Variants in MRTFB observed in about 807,000 individuals in gnomAD.
MRTFB encodes the protein myocardin related transcription factor B.
MRTFB carries 29 observed loss-of-function variants against 104.2 expected under a neutral mutation model. That is an observed-to-expected ratio of 0.28 (90% CI 0.21 to 0.38). MRTFB has a LOEUF of 0.38. MRTFB is among the 10% of genes least tolerant of loss of function. MRTFB has a pLI of 1.00. For missense variants in MRTFB, 1,270 were observed against 1,341.6 expected, an observed-to-expected ratio of 0.95 and a Z score of 0.83; for synonymous variants, 535 against 519.5, an observed-to-expected ratio of 1.03 and a Z score of -0.41.
chr16:13,995,412 T>C, the MRTFB span, among the ~76,000 whole-genome samples: 1 of 152,222 alleles, frequency 6.6e-6, no homozygotes, highest in Non-Finnish European at 1.5e-5. Flanking sequence ...GAGCATTGTC[T>C]CTTGCAAACA....
chr16:14,104,828 A>G (rs150242611), intron 2 of MRTFB, among the ~76,000 whole-genome samples: 2 of 152,136 alleles, frequency 1.3e-5, no homozygotes, highest in Non-Finnish European at 1.5e-5. Context: ...AGCCCTCCCA[A>G]TTCGGATGTT....
the MRTFB span, among the ~76,000 whole-genome samples, chr16:14,060,414 A>G: frequency 6.6e-6 from 1 of 152,138 alleles, no homozygotes; most frequent in African/African-American, 2.4e-5. Context: ...TATTTTTATT[A>G]CAGGTCAAGC....
the MRTFB span, among the ~76,000 whole-genome samples, chr16:14,019,992 A>T: frequency 2.6e-5 from 4 of 152,228 alleles, no homozygotes; most frequent in South Asian, 4.1e-4. Context: ...TGAGACGCTT[A>T]TTAGGGCGCT....
In MRTFB at chr16:14,264,436, T is replaced by C. The variant is rs2043877247; in HGVS notation, c.*2992T>C. 1 of 152,208 alleles carries C rather than the reference T, an allele frequency of 6.6e-6. No homozygotes were observed. The highest frequency in any genetic ancestry group is 2.4e-5 in the African/African-American group (1 of 41,462). 9.4% of individuals were successfully genotyped at this position (152,208 alleles called of 1,614,324 possible). On this transcript the variant is annotated 3_prime_UTR_variant, in exon 17 of 17. Transcript: ENST00000571589. The stretch of plus-strand genomic sequence containing the variant: ...TTGTACATTTCAGCAAAGCATCCAC[T>C]AGGAAACCTCATAGGACAGTGTTAG...
chr16:14,202,665 A>G (rs2040760430), intron 3 of MRTFB, among the ~76,000 whole-genome samples: 1 of 152,254 alleles, frequency 6.6e-6, no homozygotes, highest in African/African-American at 2.4e-5. Flanking sequence ...AGTAATAGCC[A>G]CCACCATTTT....
At chr16:14,136,386 C>T (rs2037722606) in intron 2 of MRTFB, among the ~76,000 whole-genome samples, 1 of 152,184 alleles carries the variant, frequency 6.6e-6, no homozygotes, top group African/African-American at 2.4e-5. Context: ...TCTCTTCCCA[C>T]TCATTGGGCA....
intron 3 of MRTFB, among the ~76,000 whole-genome samples, chr16:14,169,094 G>A (rs2039341485): frequency 6.6e-6 from 1 of 152,066 alleles, no homozygotes; most frequent in African/African-American, 2.4e-5. Context: ...GAGCTCTCAT[G>A]TATACCCCAC....
chr16:14,143,471 G>T (rs1291833633), intron 3 of MRTFB: 2 of 150,320 alleles, frequency 1.3e-5, no homozygotes, highest in Admixed American at 1.3e-4. Flanking sequence ...AATCTTCCCG[G>T]TATCTTTGAA....
intron 8 of MRTFB, among the ~76,000 whole-genome samples, chr16:14,222,222 G>C (rs1048448979): frequency 1.1e-4 from 16 of 152,078 alleles, no homozygotes; most frequent in African/African-American, 3.6e-4. Context: ...CTCTGCCTTA[G>C]ATTTCACTTT....
intron 6 of MRTFB, among the ~76,000 whole-genome samples, chr16:14,215,812 G>A (rs906573590): frequency 6.6e-6 from 1 of 152,148 alleles, no homozygotes; most frequent in Non-Finnish European, 1.5e-5. Flanking sequence ...TTGTGCTAGG[G>A]CCTTCTCTTT....
chr16:14,129,693 C>T (rs1026238863), intron 2 of MRTFB, among the ~76,000 whole-genome samples: 4 of 152,204 alleles, frequency 2.6e-5, no homozygotes, highest in East Asian at 1.9e-4. Flanking sequence ...CACATCTTTG[C>T]CAACACTTGC....
the MRTFB span, among the ~76,000 whole-genome samples, chr16:14,003,623 G>A: frequency 2.3e-5 from 2 of 85,440 alleles, no homozygotes; most frequent in East Asian, 2.5e-4. Context: ...GGGGCCGGCC[G>A]GCCTGCCTGC....
chr16:14,237,557 C>A (rs1567202424), intron 9 of MRTFB, among the ~76,000 whole-genome samples: 1 of 152,164 alleles, frequency 6.6e-6, no homozygotes, highest in African/African-American at 2.4e-5. Context: ...TTCTTGAGAG[C>A]CCACAGAAAT....
intron 2 of MRTFB, among the ~76,000 whole-genome samples, chr16:14,133,699 T>G (rs1416580615): frequency 1.3e-5 from 2 of 152,214 alleles, no homozygotes; most frequent in Non-Finnish European, 2.9e-5. Flanking sequence ...AATATTTGTT[T>G]ACTCTGTTTA....
chr16:14,075,797 A>G (rs2034007467), intron 1 of MRTFB, among the ~76,000 whole-genome samples: 1 of 152,232 alleles, frequency 6.6e-6, no homozygotes, highest in Admixed American at 6.5e-5. Context: ...GGTGATGGCC[A>G]CACTAAAATT....
At chr16:14,206,554 T>G (rs1567457673) in intron 3 of MRTFB, among the ~76,000 whole-genome samples, 1 of 152,222 alleles carries the variant, frequency 6.6e-6, no homozygotes, top group Non-Finnish European at 1.5e-5. Context: ...CAAGTAATAC[T>G]GTAATTGTGT....
chr16:14,261,398 C>T lies in MRTFB; in HGVS notation c.3254C>T (p.Ser1085Phe). ...PLSTTAPSMFSADFLDPQDLP... is the reference protein window; with the variant it reads ...PLSTTAPSMFFADFLDPQDLP... The stretch of plus-strand genomic sequence containing the variant: ...AGCACCACCGCGCCGAGCATGTTCT[C>T]TGCTGACTTTCTAGACCCACAGGAC... The change falls in exon 17 of 17, where the codon TCT becomes TTT. Residue 1085 changes from serine (S) to phenylalanine (F), a missense_variant. Physicochemically the swap from Ser to Phe is radical, Grantham distance 155 (BLOSUM62 -2). Around this residue, in one of 3 missense-constraint regions of MRTFB, gnomAD observed 1,144 missense variants for 1,131.5 expected, o/e 1.01. Coordinates refer to ENST00000571589, the MANE Select transcript of MRTFB (RefSeq NM_001308142.2). 1 of 1,613,008 alleles carries T rather than the reference C, an allele frequency of 6.2e-7. No individual in the cohort carries two copies. Among genetic ancestry groups the T allele is most frequent in the Non-Finnish European group, 8.5e-7 (1 of 1,179,156 alleles).
chr16:14,050,359 T>C, the MRTFB span, among the ~76,000 whole-genome samples: 1 of 152,024 alleles, frequency 6.6e-6, no homozygotes, highest in South Asian at 2.1e-4. Context: ...ATGACCAAAG[T>C]CTCAATTTTT....
the MRTFB span, among the ~76,000 whole-genome samples, chr16:14,036,130 AT>A: frequency 1.0e-3 from 4 of 3,942 alleles, no homozygotes; most frequent in Admixed American, 0.024. Flanking sequence ...TAAAATATAT[AT>A]TATATATTAT....
Sources: allele counts gnomAD v4.1 joint callset (sites outside exome capture counted in the v4.1 genomes callset), GRCh38; gene constraint gnomAD v4.1.1; regional missense constraint gnomAD v4.1.1; transcripts MANE v1.5; gene names NCBI Gene and HGNC (gene_info 2026-07-23, HGNC 2026-07-21).